Variants in DRC11 observed in about 807,000 individuals in gnomAD.
DRC11 encodes the protein IQ and AAA domain-containing protein 1.
the DRC11 span, among the ~76,000 whole-genome samples, chr2:236,312,179 C>T: frequency 6.6e-6 from 1 of 152,156 alleles, no homozygotes; most frequent in African/African-American, 2.4e-5. Context: ...AAACTAACAT[C>T]AGGACTGAGA....
At chr2:236,317,838 C>G in the DRC11 span, among the ~76,000 whole-genome samples, 4 of 152,194 alleles carry the variant, frequency 2.6e-5, no homozygotes, top group Non-Finnish European at 5.9e-5. The surrounding 1 kb of genome is among the most constrained non-coding windows in gnomAD (Gnocchi z 5.4). Context: ...GTGCCTCTAT[C>G]TGAAGAACAA....
the DRC11 span, among the ~76,000 whole-genome samples, chr2:236,365,012 T>C: frequency 6.6e-6 from 1 of 152,046 alleles, no homozygotes; most frequent in Non-Finnish European, 1.5e-5. This position sits in a 1 kb window ranked among gnomAD's most constrained non-coding sequence, Gnocchi z 7.4. Flanking sequence ...GCTGCGGCAA[T>C]CTAATGGGAT....
the DRC11 span, among the ~76,000 whole-genome samples, chr2:236,500,941 G>A: frequency 6.6e-6 from 1 of 152,094 alleles, no homozygotes; most frequent in Non-Finnish European, 1.5e-5. This position sits in a 1 kb window ranked among gnomAD's most constrained non-coding sequence, Gnocchi z 6.3. Context: ...CAAGTGATCT[G>A]CCCACCTCGG....
chr2:236,488,165 G>A, the DRC11 span: 17 of 1,603,868 alleles, frequency 1.1e-5, no homozygotes, highest in Admixed American at 6.9e-5. Context: ...CAGCCTCATC[G>A]AAAGGGATAC....
At chr2:236,400,824 T>C in the DRC11 span, among the ~76,000 whole-genome samples, 3 of 152,150 alleles carry the variant, frequency 2.0e-5, no homozygotes, top group Non-Finnish European at 2.9e-5. This position sits in a 1 kb window ranked among gnomAD's most constrained non-coding sequence, Gnocchi z 7.9. Flanking sequence ...GTAGTATCCA[T>C]GCATCAGATC....
chr2:236,431,623 T>C, the DRC11 span, among the ~76,000 whole-genome samples: 1 of 152,178 alleles, frequency 6.6e-6, no homozygotes, highest in South Asian at 2.1e-4. The surrounding 1 kb of genome is among the most constrained non-coding windows in gnomAD (Gnocchi z 4.2). Context: ...TGTCTACAGG[T>C]TTACTTTTTC....
At chr2:236,357,864 T>C in the DRC11 span, among the ~76,000 whole-genome samples, 5 of 124,124 alleles carry the variant, frequency 4.0e-5, no homozygotes, top group African/African-American at 9.9e-5. Flanking sequence ...ATATATACTA[T>C]ATAAATATAC....
the DRC11 span, among the ~76,000 whole-genome samples, chr2:236,359,430 TGTGA>T: frequency 2.0e-5 from 3 of 152,206 alleles, no homozygotes; most frequent in Admixed American, 6.5e-5. This position sits in a 1 kb window ranked among gnomAD's most constrained non-coding sequence, Gnocchi z 4.3. Flanking sequence ...TCCACGGTGC[TGTGA>T]GTGAGGCGAA....
the DRC11 span, among the ~76,000 whole-genome samples, chr2:236,351,767 T>C: frequency 2.0e-4 from 30 of 151,506 alleles, no homozygotes; most frequent in African/African-American, 7.0e-4. This position sits in a 1 kb window ranked among gnomAD's most constrained non-coding sequence, Gnocchi z 7.3. Flanking sequence ...CAGCGGGGGA[T>C]AGGCAGGGCA....
At chr2:236,464,219 C>T in the DRC11 span, among the ~76,000 whole-genome samples, 1 of 152,198 alleles carries the variant, frequency 6.6e-6, no homozygotes, top group Non-Finnish European at 1.5e-5. Context: ...TTAGAGGCTG[C>T]CTGCCACAGA....
At chr2:236,343,391 G>A in the DRC11 span, among the ~76,000 whole-genome samples, 41 of 152,228 alleles carry the variant, frequency 2.7e-4, no homozygotes, top group African/African-American at 8.9e-4. This position sits in a 1 kb window ranked among gnomAD's most constrained non-coding sequence, Gnocchi z 6.6. Context: ...CATGAACTCA[G>A]AGGCCGTGCG....
the DRC11 span, among the ~76,000 whole-genome samples, chr2:236,428,061 G>A: frequency 9.9e-5 from 15 of 151,806 alleles, no homozygotes; most frequent in African/African-American, 3.6e-4. Context: ...TCCTTTTATT[G>A]TTCCTGGTTT....
At chr2:236,325,851 T>C in the DRC11 span, among the ~76,000 whole-genome samples, 1 of 152,172 alleles carries the variant, frequency 6.6e-6, no homozygotes, top group African/African-American at 2.4e-5. The surrounding 1 kb of genome is among the most constrained non-coding windows in gnomAD (Gnocchi z 4.4). Context: ...GATCTGCCCG[T>C]CTCGGCCTCC....
the DRC11 span, among the ~76,000 whole-genome samples, chr2:236,387,108 G>A: frequency 6.6e-6 from 1 of 152,014 alleles, no homozygotes; most frequent in Non-Finnish European, 1.5e-5. Flanking sequence ...TGGAATAGGT[G>A]TGGTGTGGTG....
At chr2:236,507,108 C>A in the DRC11 span, 85 of 739,696 alleles carry the variant, frequency 1.1e-4, no homozygotes, top group African/African-American at 1.4e-3. Flanking sequence ...ATTTGAATTT[C>A]CTAAAAGGAA....
chr2:236,384,981 C>T, the DRC11 span, among the ~76,000 whole-genome samples: 3 of 152,026 alleles, frequency 2.0e-5, no homozygotes, highest in Non-Finnish European at 2.9e-5. Context: ...AGATATTTGG[C>T]GTTATTTCTG....
chr2:236,338,487 G>A, the DRC11 span: 1 of 1,027,000 alleles, frequency 9.7e-7, no homozygotes, highest in Non-Finnish European at 1.4e-6. Context: ...TAAAGTGATT[G>A]CAAAGCTCTG....
chr2:236,389,263 C>T, the DRC11 span, among the ~76,000 whole-genome samples: 4 of 152,184 alleles, frequency 2.6e-5, no homozygotes, highest in African/African-American at 4.8e-5. Flanking sequence ...CCCCCAGCCT[C>T]GCTGCCGCCT....
chr2:236,400,600 C>T, the DRC11 span, among the ~76,000 whole-genome samples: 1 of 152,244 alleles, frequency 6.6e-6, no homozygotes, highest in African/African-American at 2.4e-5. The surrounding 1 kb of genome is among the most constrained non-coding windows in gnomAD (Gnocchi z 7.9). Flanking sequence ...CGCTGGCCTC[C>T]ATTTGGTCCT....
Sources: gnomAD v4.1 joint callset for allele counts (sites outside exome capture counted in the v4.1 genomes callset) on GRCh38, gnomAD v4.1.1 for gene constraint, Gnocchi (gnomAD v3.1) non-coding constraint, MANE v1.5 for transcripts, NCBI Gene and HGNC (gene_info 2026-07-23, HGNC 2026-07-21) for gene names.